Variants in PRKCQ observed in about 807,000 individuals in gnomAD.
PRKCQ encodes protein kinase C theta type.
A neutral mutation model predicts 91.2 loss-of-function variants in PRKCQ; 41 were observed. The ratio of observed to expected loss-of-function variants is 0.45; its 90% CI spans 0.35 to 0.58. The LOEUF is 0.58. Ranked by LOEUF, PRKCQ falls within the 20% of genes least tolerant of loss-of-function variation. PRKCQ has a pLI of 0.00. For missense variants in PRKCQ, 673 were observed against 896.5 expected (o/e 0.75, Z 3.18); for synonymous variants, 307 against 316.9 (o/e 0.97, Z 0.33).
chr10:6,569,922 G>A (rs1038187303), intron 1 of PRKCQ, among the ~76,000 whole-genome samples: 1 of 152,146 alleles, frequency 6.6e-6, no homozygotes, highest in African/African-American at 2.4e-5. Flanking sequence ...AGTCATGACT[G>A]GGTCACAGTC....
chr10:6,457,962 CT>C (rs1387911910), intron 14 of PRKCQ, among the ~76,000 whole-genome samples: 1 of 150,704 alleles, frequency 6.6e-6, no homozygotes, highest in Non-Finnish European at 1.5e-5. Flanking sequence ...TTTTTTTCCC[CT>C]GAGACGAGGT....
At chr10:6,538,007 G>GAA (rs1839648008) in intron 1 of PRKCQ, among the ~76,000 whole-genome samples, 1 of 152,232 alleles carries the variant, frequency 6.6e-6, no homozygotes, top group African/African-American at 2.4e-5. Context: ...AAACAGGAAG[G>GAA]AAAAGAAGGA....
At chr10:6,518,220 G>T (rs2130875873) in intron 1 of PRKCQ, among the ~76,000 whole-genome samples, 1 of 152,170 alleles carries the variant, frequency 6.6e-6, no homozygotes, top group African/African-American at 2.4e-5. Context: ...ATATGCAATT[G>T]GTATTTTAAG....
At chr10:6,456,988 G>C (rs1424953979) in intron 14 of PRKCQ, among the ~76,000 whole-genome samples, 176 bp from the exon 15 acceptor site, 25 of 152,162 alleles carry the variant, frequency 1.6e-4, no homozygotes, top group Admixed American at 1.6e-3. Flanking sequence ...GATTCTGCAA[G>C]GGCACGCTGG....
intron 1 of PRKCQ, among the ~76,000 whole-genome samples, chr10:6,577,177 G>T (rs1841272047): frequency 6.6e-6 from 1 of 152,124 alleles, no homozygotes; most frequent in Non-Finnish European, 1.5e-5. Context: ...ATGATTCTGG[G>T]CTTGAGTGAG....
chr10:6,477,124 C>T (rs1237130071), intron 12 of PRKCQ, among the ~76,000 whole-genome samples: 2 of 152,242 alleles, frequency 1.3e-5, no homozygotes, highest in East Asian at 1.9e-4. Context: ...TGCAGCCACA[C>T]CTTTCATGCC....
intron 12 of PRKCQ, among the ~76,000 whole-genome samples, chr10:6,472,115 T>C (rs1166038882): frequency 1.3e-5 from 2 of 152,194 alleles, no homozygotes; most frequent in Non-Finnish European, 2.9e-5. Flanking sequence ...GAGACTATCC[T>C]GGCTAACACG....
At chr10:6,575,704 A>C (rs1442828779) in intron 1 of PRKCQ, among the ~76,000 whole-genome samples, 1 of 152,242 alleles carries the variant, frequency 6.6e-6, no homozygotes, top group Non-Finnish European at 1.5e-5. Flanking sequence ...TAAAAAGTTA[A>C]CTATCAGCAC....
chr10:6,418,629 A>C, the PRKCQ span, among the ~76,000 whole-genome samples: 2 of 152,170 alleles, frequency 1.3e-5, no homozygotes, highest in Non-Finnish European at 2.9e-5. Context: ...ACAGGACCAT[A>C]GAGTCAGAGG....
chr10:6,430,687 A>T lies in PRKCQ; in HGVS notation c.1965+123T>A. 1 of 1,375,136 alleles carries T rather than the reference A, an allele frequency of 7.3e-7. No individual in the cohort carries two copies. Among genetic ancestry groups the T allele is most frequent in the Non-Finnish European group, 1.0e-6 (1 of 1,002,142 alleles). The allele number at this position is 1,375,136 out of a possible 1,614,324, so 85.2% of individuals were successfully genotyped here. A position where few individuals can be genotyped will look rare whatever the true frequency, so the allele number is the denominator to read the frequency against. ...TTAGAGACGTGCATTCCTCCTGGAG[A>T]GTGGGGCTGGTGGGGAGTTGGGGCA... is the stretch of plus-strand genomic sequence containing the variant. On this transcript the variant is annotated intron_variant, in intron 17 of 17. Coordinates refer to ENST00000263125, the MANE Select transcript of PRKCQ (RefSeq NM_006257.5). The surrounding 1 kb of genome is among the most constrained non-coding windows in gnomAD (Gnocchi z 4.7).
intron 13 of PRKCQ, 80 bp downstream of exon 13, chr10:6,464,233 A>G: frequency 7.9e-7 from 1 of 1,271,676 alleles, no homozygotes; most frequent in Admixed American, 2.0e-5. Flanking sequence ...CAGGCATGCC[A>G]AGTGGGAAAA....
intron 1 of PRKCQ, among the ~76,000 whole-genome samples, chr10:6,552,843 A>G (rs1840243978): frequency 6.6e-6 from 1 of 152,096 alleles, no homozygotes; most frequent in Non-Finnish European, 1.5e-5. Flanking sequence ...TATAGGGATT[A>G]TATCTGTCAA....
intron 11 of PRKCQ, 21 bp downstream of exon 11, chr10:6,483,419 T>C: frequency 6.2e-7 from 1 of 1,614,028 alleles, no homozygotes; most frequent in Non-Finnish European, 8.5e-7. Flanking sequence ...GGCCATAGCA[T>C]TCTCCCGTGC....
At chr10:6,470,926 C>CAA (rs5782901) in intron 12 of PRKCQ, among the ~76,000 whole-genome samples, 4 of 135,482 alleles carry the variant, frequency 3.0e-5, no homozygotes, top group Middle Eastern at 3.8e-3. Context: ...GAGACTGTCG[C>CAA]AAAAAAAAAA....
intron 10 of PRKCQ, among the ~76,000 whole-genome samples, chr10:6,484,824 C>T (rs1836812158): frequency 6.6e-6 from 1 of 152,188 alleles, no homozygotes; most frequent in African/African-American, 2.4e-5. Context: ...AGAATGTCTT[C>T]TGTGGCCTTC....
chr10:6,488,216 G>A (rs746271906), intron 8 of PRKCQ, among the ~76,000 whole-genome samples: 12 of 152,214 alleles, frequency 7.9e-5, no homozygotes, highest in Admixed American at 3.9e-4. Flanking sequence ...TCGAGCAGGC[G>A]CTCAACAAAT....
Position 6,507,435 on chromosome 10 carries a change from C to T in PRKCQ, c.379+1G>A. On this transcript the variant is annotated splice_donor_variant, in intron 4 of 17. Coordinates refer to ENST00000263125, the MANE Select transcript of PRKCQ (RefSeq NM_006257.5). LOFTEE classifies it high-confidence loss of function. ...AAACAGGAAGAAGAAATGTCACTTG[C>T]CACTCATTTCCAGAAAGTATCTTGC... 6.2e-7 allele frequency: 1 copy of T among 1,613,104 alleles called. No homozygotes were observed. The highest frequency in any genetic ancestry group is 8.5e-7 in the Non-Finnish European group (1 of 1,179,160).
intron 4 of PRKCQ, among the ~76,000 whole-genome samples, chr10:6,503,305 G>A (rs952470877): frequency 2.0e-5 from 3 of 152,204 alleles, no homozygotes; most frequent in African/African-American, 7.2e-5. Flanking sequence ...CCTGGAGGTG[G>A]AGAATTCTGA....
intron 1 of PRKCQ, among the ~76,000 whole-genome samples, chr10:6,559,589 C>T (rs1840546771): frequency 6.6e-6 from 1 of 152,144 alleles, no homozygotes; most frequent in African/African-American, 2.4e-5. Flanking sequence ...GAACTCCTGA[C>T]CTCAGGTGAT....
Sources: gnomAD v4.1 joint callset for allele counts (sites outside exome capture counted in the v4.1 genomes callset) on GRCh38, gnomAD v4.1.1 for gene constraint, Gnocchi (gnomAD v3.1) non-coding constraint, MANE v1.5 for transcripts, NCBI Gene and HGNC (gene_info 2026-07-23, HGNC 2026-07-21) for gene names.